DNAAF19: variants seen among roughly 807,000 people sequenced by gnomAD.
DNAAF19 encodes coiled-coil domain containing 103.
chr17:44,903,694 G>A, the DNAAF19 span: 2 of 1,438,536 alleles, frequency 1.4e-6, no homozygotes, highest in African/African-American at 2.9e-5. Flanking sequence ...TTCCTCTGCA[G>A]ATTGTTGCTG....
the DNAAF19 span, chr17:44,901,034 G>A: frequency 6.2e-7 from 1 of 1,601,098 alleles, no homozygotes; most frequent in Non-Finnish European, 8.5e-7. Flanking sequence ...TCAAGGCTTT[G>A]GAGAAAGAGC....
the DNAAF19 span, chr17:44,902,623 A>G: frequency 1.9e-6 from 3 of 1,614,134 alleles, no homozygotes; most frequent in Non-Finnish European, 2.5e-6. Context: ...CTTCACCCTG[A>G]ACCTAAGCCT....
the DNAAF19 span, chr17:44,900,926 C>T: frequency 1.4e-6 from 2 of 1,463,390 alleles, no homozygotes; most frequent in South Asian, 2.8e-5. Context: ...GTGAATAATT[C>T]AGAGGTACCC....
chr17:44,904,015 T>C, the DNAAF19 span: 1 of 1,550,658 alleles, frequency 6.4e-7, no homozygotes, highest in Non-Finnish European at 8.7e-7. Flanking sequence ...AGGTGCCAGC[T>C]GTAGTCTGGT....
chr17:44,904,678 T>C, the DNAAF19 span: 2,998 of 1,550,576 alleles, frequency 1.9e-3, 49 homozygotes, highest in South Asian at 0.021. Flanking sequence ...GACTGGGCCA[T>C]GGACTCATCA....
At chr17:44,903,136 A>G in the DNAAF19 span, 2 of 1,277,594 alleles carry the variant, frequency 1.6e-6, no homozygotes, top group South Asian at 3.2e-5. Context: ...AATGCTGGCT[A>G]TACCAGTTAC....
At chr17:44,902,195 C>A in the DNAAF19 span, 1 of 829,422 alleles carries the variant, frequency 1.2e-6, no homozygotes, top group Non-Finnish European at 2.0e-6. Flanking sequence ...CCTGTTTCAT[C>A]CCCAGTTTCC....
the DNAAF19 span, chr17:44,903,818 C>A: frequency 6.5e-7 from 1 of 1,545,732 alleles, no homozygotes; most frequent in South Asian, 1.2e-5. Flanking sequence ...CTGACCCCTG[C>A]CTCCTTCAGG....
chr17:44,904,370 T>A, the DNAAF19 span: 1 of 1,543,802 alleles, frequency 6.5e-7, no homozygotes, highest in Non-Finnish European at 8.8e-7. Context: ...CTGTGACCGC[T>A]GCGGAGTGCG....
the DNAAF19 span, chr17:44,902,556 G>A: frequency 1.2e-6 from 2 of 1,614,212 alleles, no homozygotes; most frequent in Non-Finnish European, 1.7e-6. Flanking sequence ...ATCACGTGGG[G>A]CCGGCTGACC....
the DNAAF19 span, chr17:44,904,538 C>G: frequency 6.4e-7 from 1 of 1,550,478 alleles, no homozygotes; most frequent in South Asian, 1.2e-5. Flanking sequence ...GGTGCTGGTT[C>G]GGAGCTGCTT....
At chr17:44,901,508 C>T in the DNAAF19 span, 2 of 1,613,920 alleles carry the variant, frequency 1.2e-6, no homozygotes, top group South Asian at 1.1e-5. Context: ...AATTTCTGTC[C>T]TTTGCCTACA....
the DNAAF19 span, chr17:44,903,502 C>A: frequency 7.8e-7 from 1 of 1,277,022 alleles, no homozygotes; most frequent in Non-Finnish European, 9.9e-7. Flanking sequence ...CCGAGCACCT[C>A]GGCCCGCCCT....
At chr17:44,901,117 G>C in the DNAAF19 span, 3 of 1,608,740 alleles carry the variant, frequency 1.9e-6, no homozygotes, top group East Asian at 6.7e-5. Flanking sequence ...GTGGAACAGA[G>C]GGTGGCTTCC....
At chr17:44,899,756 G>C in the DNAAF19 span, 2 of 152,382 alleles carry the variant, frequency 1.3e-5, no homozygotes, top group Middle Eastern at 6.8e-3. Context: ...GCGCGGGGTT[G>C]CCCTCCTGTT....
At chr17:44,904,604 T>C in the DNAAF19 span, 11 of 1,550,466 alleles carry the variant, frequency 7.1e-6, no homozygotes, top group East Asian at 2.7e-4. Context: ...CATCATTAAC[T>C]ATGTGTCCAA....
chr17:44,900,450 A>G, the DNAAF19 span, among the ~76,000 whole-genome samples: 1 of 151,914 alleles, frequency 6.6e-6, no homozygotes, highest in Non-Finnish European at 1.5e-5. Context: ...GGGGTCATTG[A>G]GCTCCTTCCT....
At chr17:44,900,621 C>T in the DNAAF19 span, among the ~76,000 whole-genome samples, 2 of 152,172 alleles carry the variant, frequency 1.3e-5, no homozygotes, top group Non-Finnish European at 2.9e-5. Flanking sequence ...GTCGAAACGA[C>T]TTGCTGTAGA....
At chr17:44,904,750 CT>C in the DNAAF19 span, 1 of 1,550,520 alleles carries the variant, frequency 6.4e-7, no homozygotes. Flanking sequence ...GCCAGCACCT[CT>C]ACCGCACACA....
Sources: gnomAD v4.1 joint callset for allele counts (sites outside exome capture counted in the v4.1 genomes callset) on GRCh38, gnomAD v4.1.1 for gene constraint, MANE v1.5 for transcripts, NCBI Gene and HGNC (gene_info 2026-07-23, HGNC 2026-07-21) for gene names.